PITPNM2: variants seen among roughly 807,000 people sequenced by gnomAD.
PITPNM2 encodes the protein membrane-associated phosphatidylinositol transfer protein 2.
A neutral mutation model predicts 132.2 loss-of-function variants in PITPNM2; 35 were observed. That is an observed-to-expected ratio of 0.26 (90% CI 0.20 to 0.35). The LOEUF (loss-of-function observed/expected upper bound fraction) is 0.35. Ranked by LOEUF, PITPNM2 falls within the 10% of genes least tolerant of loss-of-function variation. The pLI is 1.00. For missense variants in PITPNM2, 1,332 were observed against 1,912.0 expected (o/e 0.70, Z 5.66); for synonymous variants, 738 against 799.2 (o/e 0.92, Z 1.29).
intron 2 of PITPNM2, among the ~76,000 whole-genome samples, chr12:123,042,538 G>C (rs1471183925): frequency 1.3e-5 from 2 of 152,220 alleles, no homozygotes; most frequent in African/African-American, 4.8e-5. Flanking sequence ...TGGTTACTAA[G>C]TCTGGAAGCT....
Position 123,021,980 on chromosome 12 carries a change from T to C in PITPNM2, c.79-7938A>G, listed in dbSNP as rs183453046. On this transcript the variant is annotated intron_variant, in intron 3 of 25. Coordinates refer to ENST00000320201, the MANE Select transcript of PITPNM2 (RefSeq NM_020845.3). The stretch of plus-strand genomic sequence containing the variant: ...AGCAGCAGGGAACATCATCCCAGGA[T>C]GCCACGCCCTGGCTTTATCCCAGCA... Among the ~76,000 whole-genome samples, 4 of 152,310 alleles carry C rather than the reference T, an allele frequency of 2.6e-5. 1 individual carries two copies. In the East Asian group the frequency reaches 7.7e-4, roughly 29 times the overall value.
rs2039093395 is a variant in PITPNM2, at chr12:123,009,574, G to C, written c.643+276C>G. The stretch of plus-strand genomic sequence containing the variant: ...TCTTTATCAAATGCGAACTAGGTCA[G>C]GAATGTCTGGGGGCAGTGCCTAGGG... On this transcript the variant is annotated intron_variant, in intron 6 of 25. Coordinates refer to ENST00000320201, the MANE Select transcript of PITPNM2 (RefSeq NM_020845.3). The surrounding 1 kb of genome is among the most constrained non-coding windows in gnomAD (Gnocchi z 4.8). Among the ~76,000 whole-genome samples, 1 of 152,248 alleles carries C rather than the reference G, an allele frequency of 6.6e-6. No homozygotes were observed. The highest frequency in any genetic ancestry group is 1.5e-5 in the Non-Finnish European group (1 of 68,042).
intron 1 of PITPNM2, among the ~76,000 whole-genome samples, chr12:123,138,835 A>C (rs1256285169): frequency 1.3e-5 from 2 of 152,208 alleles, no homozygotes; most frequent in African/African-American, 4.8e-5. Flanking sequence ...CAATTTTATA[A>C]AATTAAATTT....
intron 2 of PITPNM2, among the ~76,000 whole-genome samples, chr12:123,109,374 G>A (rs1593021202): frequency 6.6e-6 from 1 of 152,248 alleles, no homozygotes; most frequent in Admixed American, 6.5e-5. Context: ...AAGCTTGGGA[G>A]GCCAGGGGCT....
At chr12:123,128,264 CAAAAAAAAAAAAAAAAAAAAAAAAA>C (rs1170397011) in intron 1 of PITPNM2, among the ~76,000 whole-genome samples, 4 of 22,750 alleles carry the variant, frequency 1.8e-4, no homozygotes, top group South Asian at 2.3e-3. Context: ...CCCATCTCTA[CAAAAAAAAAAAAAAAAAAAAAAAAA>C]AAAAAAAAAA....
intron 2 of PITPNM2, among the ~76,000 whole-genome samples, chr12:123,100,230 A>G (rs1332550627): frequency 6.6e-6 from 1 of 152,262 alleles, no homozygotes. Flanking sequence ...TCTGGAAAAC[A>G]GTCTGGCAAT....
At chr12:122,997,050 G>T (rs996666676) in intron 11 of PITPNM2, 140 bp from the exon 12 acceptor site, 1 of 983,982 alleles carries the variant, frequency 1.0e-6, no homozygotes, top group Non-Finnish European at 1.5e-6. Context: ...GATAGGCTTG[G>T]GGGACCAGGG....
intron 6 of PITPNM2, chr12:123,007,288 GA>G: frequency 4.4e-6 from 2 of 454,662 alleles, no homozygotes; most frequent in South Asian, 3.1e-5. Flanking sequence ...GTGTGTGTGT[GA>G]AATGCCACAT....
At chr12:122,997,598 G>A (rs761259876) in intron 10 of PITPNM2, 26 bp from the exon 11 acceptor site, 7 of 1,596,856 alleles carry the variant, frequency 4.4e-6, no homozygotes, top group Non-Finnish European at 6.0e-6. Context: ...GACAGTGTCA[G>A]CTCCCCAGGG....
rs549819842 is a variant in PITPNM2 at position 122,994,107 on chromosome 12, C to T, written c.2233+694G>A. ...CAGGCTGGTCTCAAACTCCTGACCT[C>T]AGCTGATCCGCCCGCCTCGGCCTCC... On this transcript the variant is annotated intron_variant, in intron 15 of 25. Coordinates refer to ENST00000320201, the MANE Select transcript of PITPNM2 (RefSeq NM_020845.3). This position sits in a 1 kb window ranked among gnomAD's most constrained non-coding sequence, Gnocchi z 5.4. 1.3e-5 allele frequency among the ~76,000 whole-genome samples: 2 copies of T among 152,076 alleles called. No homozygotes were observed. Among genetic ancestry groups the T allele is most frequent in the Non-Finnish European group, 2.9e-5 (2 of 68,038 alleles).
rs867375682 is a variant in PITPNM2, at chr12:123,021,621, A to C, written c.79-7579T>G. 3.7e-5 allele frequency: 36 copies of C among 962,210 alleles called. No homozygotes were observed. In the Middle Eastern group the frequency reaches 1.6e-3, roughly 42 times the overall value. The allele number at this position is 962,210 out of a possible 1,614,324, so 59.6% of individuals were successfully genotyped here. Reference sequence around the variant, plus strand: ...CAAGCCCCACTGCGGTGTCAGGTGAAGACCATTCCCCTTGAACAGCAAGCT... The same window carrying C: ...CAAGCCCCACTGCGGTGTCAGGTGACGACCATTCCCCTTGAACAGCAAGCT... On this transcript the variant is annotated intron_variant, in intron 3 of 25. Transcript: ENST00000320201.
chr12:123,065,382 G>A (rs2041379529), intron 2 of PITPNM2, among the ~76,000 whole-genome samples: 2 of 152,242 alleles, frequency 1.3e-5, no homozygotes, highest in African/African-American at 4.8e-5. Flanking sequence ...ACAGCGCACA[G>A]GGCTCTGCCC....
chr12:122,990,087 G>A (rs1448007237), intron 17 of PITPNM2, 139 bp from the exon 18 acceptor site: 1 of 682,838 alleles, frequency 1.5e-6, no homozygotes. Context: ...CCTCACGGAT[G>A]AACACAACTG....
chr12:123,131,113 CT>C (rs2043253100), intron 1 of PITPNM2, among the ~76,000 whole-genome samples: 2 of 152,142 alleles, frequency 1.3e-5, no homozygotes, highest in Non-Finnish European at 2.9e-5. Context: ...GAAGAATGTC[CT>C]CCCAAAACTC....
chr12:123,129,494 C>T (rs2043216845), intron 1 of PITPNM2, among the ~76,000 whole-genome samples: 1 of 151,152 alleles, frequency 6.6e-6, no homozygotes, highest in African/African-American at 2.4e-5. Context: ...GGCGTGAACC[C>T]GGGAGGCGGA....
chr12:123,076,540 T>C (rs999399420), intron 2 of PITPNM2, among the ~76,000 whole-genome samples: 1 of 152,184 alleles, frequency 6.6e-6, no homozygotes, highest in African/African-American at 2.4e-5. Flanking sequence ...TCCAATCAGG[T>C]GCTCATGAGG....
chr12:123,120,271 C>T (rs899213688), intron 1 of PITPNM2, among the ~76,000 whole-genome samples: 5 of 152,134 alleles, frequency 3.3e-5, no homozygotes, highest in South Asian at 4.1e-4. Flanking sequence ...TGAGCTTCGA[C>T]GGCCCCTCAC....
chr12:123,046,261 C>T (rs2040652217), intron 2 of PITPNM2, among the ~76,000 whole-genome samples: 1 of 152,056 alleles, frequency 6.6e-6, no homozygotes, highest in African/African-American at 2.4e-5. Flanking sequence ...TCAGACCCCA[C>T]ATCCCAACAG....
chr12:123,102,254 A>G (rs2042579988), intron 2 of PITPNM2, among the ~76,000 whole-genome samples: 1 of 152,204 alleles, frequency 6.6e-6, no homozygotes, highest in South Asian at 2.1e-4. Flanking sequence ...GCCCTGAGCT[A>G]CTTAAGGGCA....
Sources: allele counts gnomAD v4.1 joint callset (sites outside exome capture counted in the v4.1 genomes callset), GRCh38; gene constraint gnomAD v4.1.1; non-coding constraint Gnocchi (gnomAD v3.1); transcripts MANE v1.5; gene names NCBI Gene and HGNC (gene_info 2026-07-23, HGNC 2026-07-21).